CCDC85A: variants seen among roughly 807,000 people sequenced by gnomAD.
CCDC85A encodes the protein coiled-coil domain-containing protein 85A.
CCDC85A carries 38 observed loss-of-function variants against 50.2 expected under a neutral mutation model. That is an observed-to-expected ratio of 0.76 (90% CI 0.58 to 0.99). CCDC85A has a LOEUF of 0.99. Among genes scored for constraint, CCDC85A ranks in the 50% least tolerant of loss-of-function variants. The pLI, the probability that CCDC85A is intolerant of heterozygous loss-of-function variation, is 0.00. For missense variants in CCDC85A, 820 were observed against 742.0 expected, an observed-to-expected ratio of 1.11 and a Z score of -1.22; for synonymous variants, 366 against 301.4, an observed-to-expected ratio of 1.21 and a Z score of -2.22.
intron 2 of CCDC85A, among the ~76,000 whole-genome samples, chr2:56,335,968 C>T (rs1674052128): frequency 6.6e-6 from 1 of 152,070 alleles, no homozygotes; most frequent in Non-Finnish European, 1.5e-5. Context: ...CTAGTCACCT[C>T]TTAAAGGTCC....
At chr2:56,364,676 T>C (rs1449509692) in intron 3 of CCDC85A, among the ~76,000 whole-genome samples, 2 of 152,194 alleles carry the variant, frequency 1.3e-5, no homozygotes, top group East Asian at 3.9e-4. Flanking sequence ...GTTAATAGCA[T>C]GACCATTTAG....
chr2:56,369,663 G>C (rs554018570), intron 3 of CCDC85A, among the ~76,000 whole-genome samples: 3 of 152,174 alleles, frequency 2.0e-5, no homozygotes, highest in South Asian at 2.1e-4. Flanking sequence ...ATAGTTCTTG[G>C]GGACTTTTTC....
chr2:56,339,390 A>T (rs1052957238), intron 2 of CCDC85A, among the ~76,000 whole-genome samples: 1 of 152,228 alleles, frequency 6.6e-6, no homozygotes, highest in Non-Finnish European at 1.5e-5. Context: ...CAAACTCAGG[A>T]ATTTACCCCT....
At chr2:56,301,895 A>G (rs1672221618) in intron 2 of CCDC85A, among the ~76,000 whole-genome samples, 1 of 152,212 alleles carries the variant, frequency 6.6e-6, no homozygotes, top group Non-Finnish European at 1.5e-5. Context: ...ACCATGGCAC[A>G]TGCATACCTA....
At chr2:56,273,038 C>T (rs1400289198) in intron 2 of CCDC85A, among the ~76,000 whole-genome samples, 1 of 152,028 alleles carries the variant, frequency 6.6e-6, no homozygotes, top group Non-Finnish European at 1.5e-5. Context: ...GGAATAAGAA[C>T]AGGATGTTAC....
chr2:56,369,541 A>G (rs1007046635), intron 3 of CCDC85A, among the ~76,000 whole-genome samples: 6 of 152,162 alleles, frequency 3.9e-5, no homozygotes, highest in African/African-American at 1.2e-4. Context: ...TCATTTGCCC[A>G]TCTTTATGCC....
intron 2 of CCDC85A, among the ~76,000 whole-genome samples, chr2:56,242,368 G>C (rs895877474): frequency 6.6e-6 from 1 of 152,064 alleles, no homozygotes; most frequent in Admixed American, 6.6e-5. Flanking sequence ...GCATCTGCTT[G>C]GTTTCCTCAG....
intron 2 of CCDC85A, among the ~76,000 whole-genome samples, chr2:56,264,359 G>A (rs954032958): frequency 4.1e-4 from 62 of 152,204 alleles, no homozygotes; most frequent in African/African-American, 1.4e-3. Context: ...TCCCCTGGCT[G>A]CCTGCCCTGT....
intron 2 of CCDC85A, among the ~76,000 whole-genome samples, chr2:56,210,033 C>T (rs1032738937): frequency 3.3e-5 from 5 of 152,084 alleles, no homozygotes; most frequent in Admixed American, 1.3e-4. Flanking sequence ...TCAGTCCTCA[C>T]TAGAGATGAT....
intron 2 of CCDC85A, among the ~76,000 whole-genome samples, chr2:56,211,916 C>A (rs951011700): frequency 2.0e-5 from 3 of 152,038 alleles, no homozygotes; most frequent in African/African-American, 7.2e-5. Flanking sequence ...TAAAACCTCC[C>A]AGTTCATGCT....
intron 2 of CCDC85A, among the ~76,000 whole-genome samples, chr2:56,202,039 G>C (rs114635830): frequency 0.013 from 2,003 of 152,272 alleles, 46 homozygotes; most frequent in African/African-American, 0.046. Flanking sequence ...TCTAGACATA[G>C]AGGCCACTTG....
rs70955011 is a variant in CCDC85A, at chr2:56,189,297, G to GTTTTTTTTTTTT, written c.277-3176_277-3165dup. Among the ~76,000 whole-genome samples the GTTTTTTTTTTTT allele has an allele frequency of 1.4e-3, 166 of 121,888 alleles. 7 individuals carry two copies. The highest frequency in any genetic ancestry group is 1.8e-3 in the East Asian group (8 of 4,356). The allele number at this position is 121,888 out of a possible 152,430, so 80.0% of individuals were successfully genotyped here. Reference sequence around the variant, plus strand: ...AAAACATGCACGGGGTATTTTTGGTGTTTTTTTTTTTTTTTGAGACAAGGT... The same window carrying GTTTTTTTTTTTT: ...AAAACATGCACGGGGTATTTTTGGTGTTTTTTTTTTTTTTTTTTTTTTTTTTTGAGACAAGGT... On this transcript the variant is annotated intron_variant, in intron 1 of 5. Transcript: ENST00000407595.
At position 56,317,064 on chromosome 2, in the gene CCDC85A, C is replaced by G. The variant is rs1672954337; in HGVS notation, c.1241-25815C>G. Among the ~76,000 whole-genome samples, 3 of 152,008 alleles carry G rather than the reference C, an allele frequency of 2.0e-5. No homozygotes were observed. In the South Asian group the frequency reaches 6.2e-4, roughly 32 times the overall value. The stretch of plus-strand genomic sequence containing the variant: ...ATATTGGGAAATTAACTAAGGTTAT[C>G]TCATGTTATAAGAGATGTACCTGTA... On this transcript the variant is annotated intron_variant, in intron 2 of 5. Transcript: ENST00000407595.
At chr2:56,374,704 G>A (rs1676248652) in intron 4 of CCDC85A, among the ~76,000 whole-genome samples, 1 of 152,194 alleles carries the variant, frequency 6.6e-6, no homozygotes, top group African/African-American at 2.4e-5. Flanking sequence ...AGATACTCAG[G>A]AGGCTGAGGT....
intron 2 of CCDC85A, among the ~76,000 whole-genome samples, chr2:56,276,931 C>A (rs1373524545): frequency 6.6e-6 from 1 of 152,082 alleles, no homozygotes; most frequent in Non-Finnish European, 1.5e-5. Context: ...CAGCATCTAG[C>A]CAGTGCTAAC....
At chr2:56,332,996 G>T (rs1207146992) in intron 2 of CCDC85A, among the ~76,000 whole-genome samples, 1 of 152,112 alleles carries the variant, frequency 6.6e-6, no homozygotes, top group Non-Finnish European at 1.5e-5. Context: ...GAATTTTATT[G>T]TGCCAAACAC....
intron 2 of CCDC85A, among the ~76,000 whole-genome samples, chr2:56,299,357 A>T (rs116235749): frequency 3.9e-5 from 6 of 152,282 alleles, no homozygotes; most frequent in African/African-American, 1.4e-4. Flanking sequence ...GATCTACTGC[A>T]TGGATGCCCC....
chr2:56,201,275 ACCTGG>A (rs1322882874), intron 2 of CCDC85A, among the ~76,000 whole-genome samples: 2 of 152,294 alleles, frequency 1.3e-5, no homozygotes, highest in South Asian at 2.1e-4. Flanking sequence ...AAATTTTAAA[ACCTGG>A]CAAACAAAAT....
chr2:56,260,147 C>G (rs1670159717), intron 2 of CCDC85A, among the ~76,000 whole-genome samples: 1 of 152,164 alleles, frequency 6.6e-6, no homozygotes, highest in East Asian at 1.9e-4. Context: ...CAGAAAAATA[C>G]CAATGTGAAA....
Sources: allele counts gnomAD v4.1 joint callset (sites outside exome capture counted in the v4.1 genomes callset), GRCh38; gene constraint gnomAD v4.1.1; transcripts MANE v1.5; gene names NCBI Gene and HGNC (gene_info 2026-07-23, HGNC 2026-07-21).